The following CDC27 variants were observed in gnomAD, a reference collection of about 807,000 sequenced individuals.
CDC27 encodes cell division cycle protein 27 homolog.
A neutral mutation model predicts 109.7 loss-of-function variants in CDC27; 27 were observed. The observed-to-expected ratio is 0.25, with a 90% CI of 0.18 to 0.34. The LOEUF (loss-of-function observed/expected upper bound fraction) is 0.34, where lower values mean the gene tolerates loss of function less well. Among genes scored for constraint, CDC27 ranks in the 10% least tolerant of loss-of-function variants. The probability of loss-of-function intolerance (pLI) is 1.00; values close to 1 mark genes in which losing one functional copy is unlikely to be tolerated. For synonymous variants in CDC27, 266 were observed against 333.9 expected, an observed-to-expected ratio of 0.80 and a Z score of 2.22; for missense variants, 579 against 960.2, an observed-to-expected ratio of 0.60 and a Z score of 5.25.
chr17:47,138,246 T>C (rs2062683698), intron 13 of CDC27, among the ~76,000 whole-genome samples: 2 of 152,216 alleles, frequency 1.3e-5, no homozygotes, highest in Admixed American at 6.5e-5. Flanking sequence ...AGTGTTCATG[T>C]TGACTACAGA....
chr17:47,140,566 A>G (rs2062764405), intron 12 of CDC27, among the ~76,000 whole-genome samples: 1 of 152,250 alleles, frequency 6.6e-6, no homozygotes, highest in African/African-American at 2.4e-5. Context: ...AAACTCAGAA[A>G]TTAAGTTGAA....
At chr17:47,148,949 C>T (rs946943208) in intron 9 of CDC27, among the ~76,000 whole-genome samples, 2 of 151,892 alleles carry the variant, frequency 1.3e-5, no homozygotes, top group Admixed American at 6.6e-5. Flanking sequence ...CATGATAGCA[C>T]ATGCCTGTAA....
At chr17:47,150,183 T>C (rs1435872156) in intron 9 of CDC27, among the ~76,000 whole-genome samples, 1 of 152,176 alleles carries the variant, frequency 6.6e-6, no homozygotes, top group Non-Finnish European at 1.5e-5. Flanking sequence ...CTTGATAAGT[T>C]AAAATGTTTA....
At chr17:47,169,706 G>T (rs968726998) in intron 4 of CDC27, 4 of 360,480 alleles carry the variant, frequency 1.1e-5, no homozygotes, top group African/African-American at 8.4e-5. Context: ...TCAATTGTTA[G>T]GCAGGGCAGC....
At chr17:47,176,531 G>A (rs1324393527) in intron 2 of CDC27, among the ~76,000 whole-genome samples, 1 of 152,156 alleles carries the variant, frequency 6.6e-6, no homozygotes, top group Non-Finnish European at 1.5e-5. Context: ...GTTTTAAAAG[G>A]CTCCTTAGTG....
rs57778121 is a variant in CDC27 at position 47,188,717 on chromosome 17, T to A, written c.27+429A>T. 1.7e-5 allele frequency: 17 copies of A among 1,001,854 alleles called. No individual in the cohort carries two copies. In the East Asian group the frequency reaches 1.5e-3, roughly 90 times the overall value. 62.1% of individuals were successfully genotyped at this position (1,001,854 alleles called of 1,614,324 possible). On this transcript the variant is annotated intron_variant, in intron 1 of 18. Coordinates refer to ENST00000066544, the MANE Select transcript of CDC27 (RefSeq NM_001256.6). ...CTCCACCCTCTCATACAAGACAAAA[T>A]AAAAAAAACCTCCGTAAACTTGCCC... is the stretch of plus-strand genomic sequence containing the variant.
chr17:47,121,941 T>C (rs929373791), intron 18 of CDC27, among the ~76,000 whole-genome samples: 4 of 152,076 alleles, frequency 2.6e-5, no homozygotes, highest in Admixed American at 6.6e-5. Context: ...GGTTTCACCA[T>C]GTTGGTCAGC....
intron 9 of CDC27, among the ~76,000 whole-genome samples, chr17:47,150,031 A>T (rs913933364): frequency 2.6e-5 from 4 of 152,172 alleles, no homozygotes; most frequent in African/African-American, 9.6e-5. Flanking sequence ...AACCACAATA[A>T]TGCACTGTGG....
intron 4 of CDC27, among the ~76,000 whole-genome samples, chr17:47,160,436 G>A (rs1240631334): frequency 6.6e-6 from 1 of 152,054 alleles, no homozygotes; most frequent in Non-Finnish European, 1.5e-5. Context: ...AGGTTGGCCA[G>A]GCTGTTTTTG....
In CDC27 at chr17:47,138,674, C is replaced by T. The variant is rs2062697873; in HGVS notation, c.1704+65G>A. 8.0e-6 allele frequency: 9 copies of T among 1,120,758 alleles called. No homozygotes were observed. In the East Asian group the frequency reaches 2.1e-4, roughly 27 times the overall value. The allele number at this position is 1,120,758 out of a possible 1,614,324, so 69.4% of individuals were successfully genotyped here. ...TAAATAGTGTTTGAATTGCTTGGTT[C>T]ATCTCTATCTGTTGAGGGTGATCAA... On this transcript the variant is annotated intron_variant, in intron 13 of 18. Transcript: ENST00000066544.
intron 4 of CDC27, among the ~76,000 whole-genome samples, chr17:47,163,778 T>C (rs1171320146): frequency 6.6e-6 from 1 of 152,212 alleles, no homozygotes; most frequent in East Asian, 1.9e-4. Flanking sequence ...CTTTTGCTTT[T>C]TTTGAGATGG....
In CDC27 at chr17:47,153,948, G is replaced by T. The variant is rs11570494; in HGVS notation, c.957+724C>A. On this transcript the variant is annotated intron_variant, in intron 8 of 18. Transcript: ENST00000066544. ...AATAAAAGTTAAAAAAATTAGCTGG[G>T]TGTGGTGGTGTACACCTATAGTCCT... is the stretch of plus-strand genomic sequence containing the variant. Among the ~76,000 whole-genome samples, 198 of 152,072 alleles carry T rather than the reference G, an allele frequency of 1.3e-3. 4 individuals are homozygous for T. In the East Asian group the frequency reaches 0.03, roughly 23 times the overall value.
Position 47,120,829 on chromosome 17 carries a change from G to A in CDC27, c.*106C>T, listed in dbSNP as rs988747762. 2.5e-5 allele frequency: 19 copies of A among 767,448 alleles called. 1 individual carries two copies. Among genetic ancestry groups the A allele is most frequent in the Admixed American group, 1.0e-4 (5 of 47,886 alleles). The allele number at this position is 767,448 out of a possible 1,614,324, so 47.5% of individuals were successfully genotyped here. On this transcript the variant is annotated 3_prime_UTR_variant, in exon 19 of 19. Transcript: ENST00000066544. ...GTGGCACACTCATGGTATAAGTGACGGACGATGACACCGCCAGCTCAAGAG... is the reference window on the plus strand; with the variant it reads ...GTGGCACACTCATGGTATAAGTGACAGACGATGACACCGCCAGCTCAAGAG...
rs11570524 is a variant in CDC27, at chr17:47,142,772, G to A, written c.1171-336C>T. Among the ~76,000 whole-genome samples the A allele has an allele frequency of 1.6e-3, 239 of 152,230 alleles. 1 individual carries two copies. Among genetic ancestry groups the A allele is most frequent in the African/African-American group, 5.4e-3 (223 of 41,550 alleles). The stretch of plus-strand genomic sequence containing the variant: ...CACCGCAACCCAACCTCTGCCTCCC[G>A]GGTTCAAGCGATTCTCCTGCTTCAG... On this transcript the variant is annotated intron_variant, in intron 10 of 18. Transcript: ENST00000066544.
chr17:47,122,622 A>G, intron 17 of CDC27, 22 bp from the exon 18 acceptor site: 1 of 1,533,872 alleles, frequency 6.5e-7, no homozygotes, highest in Non-Finnish European at 8.8e-7. Context: ...CAGCAGCACT[A>G]CATTTTTCAT....
At chr17:47,166,196 C>G (rs574964877) in intron 4 of CDC27, among the ~76,000 whole-genome samples, 1 of 152,102 alleles carries the variant, frequency 6.6e-6, no homozygotes, top group Admixed American at 6.5e-5. Context: ...AATGTGGCCT[C>G]ATGAGTAGAG....
At chr17:47,185,223 G>C (rs1328464029) in intron 1 of CDC27, among the ~76,000 whole-genome samples, 4 of 151,832 alleles carry the variant, frequency 2.6e-5, no homozygotes, top group Admixed American at 6.6e-5. Flanking sequence ...CTGTCACCCA[G>C]GCTGGAGTGC....
intron 3 of CDC27, 34 bp downstream of exon 3, chr17:47,171,883 A>G (rs1769293266): frequency 6.5e-7 from 1 of 1,528,018 alleles, no homozygotes; most frequent in Middle Eastern, 2.3e-4. Flanking sequence ...AGTGTAAGTA[A>G]AACAAAATAG....
At chr17:47,161,515 C>A (rs2148934250) in intron 4 of CDC27, among the ~76,000 whole-genome samples, 1 of 152,242 alleles carries the variant, frequency 6.6e-6, no homozygotes, top group Middle Eastern at 3.4e-3. Context: ...CTTTGGGAGG[C>A]CAAGGCAGGT....
Sources: gnomAD v4.1 joint callset for allele counts (sites outside exome capture counted in the v4.1 genomes callset) on GRCh38, gnomAD v4.1.1 for gene constraint, MANE v1.5 for transcripts, NCBI Gene and HGNC (gene_info 2026-07-23, HGNC 2026-07-21) for gene names.